SNX3: variants seen among roughly 807,000 people sequenced by gnomAD.
SNX3 encodes the protein sorting nexin 3, also known as sorting nexin-3.
Under a neutral mutation model 17.7 loss-of-function variants are expected in SNX3, and 5 were observed. That is an observed-to-expected ratio of 0.28 (90% CI 0.15 to 0.59). The LOEUF (loss-of-function observed/expected upper bound fraction) is 0.59, where lower values mean the gene tolerates loss of function less well. Among genes scored for constraint, SNX3 ranks in the 20% least tolerant of loss-of-function variants. The pLI is 0.88. For synonymous variants in SNX3, 91 were observed against 76.5 expected, an observed-to-expected ratio of 1.19 and a Z score of -0.99; for missense variants, 132 against 206.8, an observed-to-expected ratio of 0.64 and a Z score of 2.22.
chr6:108,229,073 AATACAGTG>A (rs1775057659), intron 1 of SNX3, among the ~76,000 whole-genome samples: 1 of 151,970 alleles, frequency 6.6e-6, no homozygotes, highest in Non-Finnish European at 1.5e-5. Context: ...CAGCCTGGCC[AATACAGTG>A]AAACCCCATC....
chr6:108,243,941 AC>A (rs1232163955), intron 1 of SNX3, among the ~76,000 whole-genome samples: 2 of 152,168 alleles, frequency 1.3e-5, no homozygotes, highest in African/African-American at 4.8e-5. Context: ...AAAAATCAAA[AC>A]AGGTTAAAAG....
intron 1 of SNX3, among the ~76,000 whole-genome samples, chr6:108,257,822 G>C (rs181498749): frequency 2.0e-5 from 3 of 152,188 alleles, no homozygotes; most frequent in Admixed American, 2.0e-4. Context: ...AAATTAGCTG[G>C]GCGTGGTGGC....
chr6:108,242,554 C>G (rs1775551150), intron 1 of SNX3, among the ~76,000 whole-genome samples: 1 of 152,188 alleles, frequency 6.6e-6, no homozygotes, highest in Non-Finnish European at 1.5e-5. Context: ...AAAGAATTCC[C>G]TATCCAGCGT....
intron 1 of SNX3, among the ~76,000 whole-genome samples, chr6:108,248,581 T>C (rs1292194559): frequency 6.6e-6 from 1 of 152,092 alleles, no homozygotes; most frequent in African/African-American, 2.4e-5. Flanking sequence ...TGAACAAATA[T>C]CAATTATAGA....
rs773266855 is a variant in SNX3 at position 108,245,321 on chromosome 6, C to T, written c.162+15439G>A. ...TTTTTTATGGCTGCATAGTATTCCACGGTATATACGTGCATTTTCTTTATC... is the reference window on the plus strand; with the variant it reads ...TTTTTTATGGCTGCATAGTATTCCATGGTATATACGTGCATTTTCTTTATC... On this transcript the variant is annotated intron_variant, in intron 1 of 3. Transcript: ENST00000230085. Among the ~76,000 whole-genome samples, 8 of 152,102 alleles carry T rather than the reference C, an allele frequency of 5.3e-5. No individual in the cohort carries two copies. In the East Asian group the frequency reaches 5.8e-4, roughly 11 times the overall value.
At chr6:108,218,397 G>T (rs1774652011) in intron 2 of SNX3, among the ~76,000 whole-genome samples, 1 of 152,194 alleles carries the variant, frequency 6.6e-6, no homozygotes, top group African/African-American at 2.4e-5. Flanking sequence ...GTAAGGATGT[G>T]GAGAAAAGTA....
intron 2 of SNX3, among the ~76,000 whole-genome samples, chr6:108,219,346 C>T (rs1356207844): frequency 6.6e-6 from 1 of 152,252 alleles, no homozygotes; most frequent in Non-Finnish European, 1.5e-5. Context: ...TGGCTCATGC[C>T]TGTAATCCCA....
chr6:108,239,932 T>C (rs1775466878), intron 1 of SNX3, among the ~76,000 whole-genome samples: 1 of 152,098 alleles, frequency 6.6e-6, no homozygotes, highest in Non-Finnish European at 1.5e-5. Context: ...AGTAAAAGCA[T>C]AATAATGTGA....
intron 1 of SNX3, among the ~76,000 whole-genome samples, chr6:108,235,217 G>A (rs371862105): frequency 6.6e-6 from 1 of 152,128 alleles, no homozygotes; most frequent in Non-Finnish European, 1.5e-5. Flanking sequence ...TCTCTCTTGC[G>A]ATCCTGTCAC....
intron 1 of SNX3, among the ~76,000 whole-genome samples, chr6:108,259,044 G>GA (rs1047950722): frequency 1.6e-4 from 24 of 149,862 alleles, no homozygotes; most frequent in Admixed American, 2.0e-4. Flanking sequence ...GCACAAGAAA[G>GA]AAAAAAAAAG....
chr6:108,214,661 T>TG, intron 2 of SNX3, 39 bp from the exon 3 acceptor site: 2 of 1,590,930 alleles, frequency 1.3e-6, no homozygotes, highest in Non-Finnish European at 1.7e-6. Flanking sequence ...TCATGATGAC[T>TG]GGGTTGTGAA....
intron 1 of SNX3, among the ~76,000 whole-genome samples, chr6:108,227,847 G>A (rs954516368): frequency 6.6e-6 from 1 of 151,496 alleles, no homozygotes; most frequent in African/African-American, 2.4e-5. Flanking sequence ...GTTGTTTAAG[G>A]TACTGAACTA....
At chr6:108,223,196 T>C (rs1774860939) in intron 1 of SNX3, 151 bp from the exon 2 acceptor site, 3 of 585,384 alleles carry the variant, frequency 5.1e-6, no homozygotes, top group Non-Finnish European at 9.0e-6. Context: ...TGGAGTGCAA[T>C]GGCACGATCT....
At chr6:108,245,078 T>C (rs964314559) in intron 1 of SNX3, among the ~76,000 whole-genome samples, 3 of 152,092 alleles carry the variant, frequency 2.0e-5, no homozygotes, top group Admixed American at 2.0e-4. Flanking sequence ...CCCACATGCA[T>C]TAGGTATTTG....
chr6:108,247,983 A>G (rs892932985), intron 1 of SNX3, among the ~76,000 whole-genome samples: 9 of 152,142 alleles, frequency 5.9e-5, no homozygotes, highest in African/African-American at 2.2e-4. Flanking sequence ...CAAATTATAC[A>G]TTATATATAA....
At chr6:108,250,699 C>A (rs1443199270) in intron 1 of SNX3, among the ~76,000 whole-genome samples, 2 of 152,074 alleles carry the variant, frequency 1.3e-5, no homozygotes, top group Non-Finnish European at 2.9e-5. Flanking sequence ...TCAATATGGA[C>A]GAGACTTATA....
At chr6:108,227,266 T>C (rs1582479770) in intron 1 of SNX3, among the ~76,000 whole-genome samples, 1 of 152,332 alleles carries the variant, frequency 6.6e-6, no homozygotes, top group East Asian at 1.9e-4. Flanking sequence ...CCTCTCAAAT[T>C]ACTTTACAAA....
In SNX3 at chr6:108,230,777, G is replaced by T. The variant is rs1351459387; in HGVS notation, c.163-7732C>A. 3.3e-5 allele frequency among the ~76,000 whole-genome samples: 5 copies of T among 152,036 alleles called. No individual in the cohort carries two copies. In the East Asian group the frequency reaches 7.7e-4, roughly 23 times the overall value. ...AACAGTCACTTAAAGCTTATGTCAG[G>T]GCCCAAACTAACATTAAAAGAGCAG... On this transcript the variant is annotated intron_variant, in intron 1 of 3. Coordinates refer to ENST00000230085, the MANE Select transcript of SNX3 (RefSeq NM_003795.6).
intron 2 of SNX3, among the ~76,000 whole-genome samples, chr6:108,220,333 A>G (rs1774720407): frequency 6.6e-6 from 1 of 152,068 alleles, no homozygotes; most frequent in African/African-American, 2.4e-5. Flanking sequence ...AGTGCCCTAT[A>G]CAGGTGTACT....
Sources: allele counts gnomAD v4.1 joint callset (sites outside exome capture counted in the v4.1 genomes callset), GRCh38; gene constraint gnomAD v4.1.1; transcripts MANE v1.5; gene names NCBI Gene and HGNC (gene_info 2026-07-23, HGNC 2026-07-21).